The following ARB2A variants were observed in gnomAD, a reference collection of about 807,000 sequenced individuals.
ARB2A encodes cotranscriptional regulator ARB2A.
the ARB2A span, among the ~76,000 whole-genome samples, chr5:93,917,801 C>T: frequency 6.6e-6 from 1 of 152,188 alleles, no homozygotes; most frequent in South Asian, 2.1e-4. Context: ...TACCCTTCAC[C>T]GAAATGTTTG....
chr5:93,839,721 C>T, the ARB2A span, among the ~76,000 whole-genome samples: 1 of 151,396 alleles, frequency 6.6e-6, no homozygotes, highest in Non-Finnish European at 1.5e-5. Flanking sequence ...TTGGTCTGTT[C>T]GAGGATTCAA....
chr5:93,805,378 T>C, the ARB2A span: 34 of 985,170 alleles, frequency 3.5e-5, 1 homozygote, highest in East Asian at 3.2e-3. Context: ...CTTTTTCATG[T>C]TTCCCAGTAC....
the ARB2A span, among the ~76,000 whole-genome samples, chr5:93,984,459 G>T: frequency 1.3e-5 from 2 of 152,114 alleles, no homozygotes; most frequent in African/African-American, 2.4e-5. Flanking sequence ...TATACTTACG[G>T]ATATTTTCAC....
At chr5:93,874,650 G>A in the ARB2A span, among the ~76,000 whole-genome samples, 13 of 152,250 alleles carry the variant, frequency 8.5e-5, no homozygotes, top group Non-Finnish European at 1.9e-4. Context: ...CTGAGGAGGT[G>A]GTAACAGGAA....
chr5:93,999,903 C>G, the ARB2A span, among the ~76,000 whole-genome samples: 1 of 152,060 alleles, frequency 6.6e-6, no homozygotes, highest in Non-Finnish European at 1.5e-5. Flanking sequence ...ATATTTGGAA[C>G]CATACAGTAG....
At chr5:93,921,153 A>C in the ARB2A span, among the ~76,000 whole-genome samples, 7 of 133,202 alleles carry the variant, frequency 5.3e-5, no homozygotes, top group South Asian at 1.6e-3. Context: ...TGTAAAGACC[A>C]TGTTAAAAAA....
At chr5:93,685,702 T>C in the ARB2A span, among the ~76,000 whole-genome samples, 1 of 152,224 alleles carries the variant, frequency 6.6e-6, no homozygotes, top group Non-Finnish European at 1.5e-5. Flanking sequence ...AATGGACACA[T>C]GTGTCAAGGT....
chr5:93,646,452 C>T, the ARB2A span, among the ~76,000 whole-genome samples: 6 of 151,806 alleles, frequency 4.0e-5, no homozygotes, highest in African/African-American at 1.5e-4. Context: ...TGGTAGCAAA[C>T]ACACACAATA....
At chr5:93,805,540 A>T in the ARB2A span, 1 of 985,138 alleles carries the variant, frequency 1.0e-6, no homozygotes, top group Non-Finnish European at 1.2e-6. Context: ...GCAGTAATAA[A>T]ACAGCAGGCA....
At chr5:93,832,485 A>T in the ARB2A span, among the ~76,000 whole-genome samples, 3 of 152,160 alleles carry the variant, frequency 2.0e-5, no homozygotes, top group Non-Finnish European at 4.4e-5. Flanking sequence ...GTGACCATCC[A>T]CTTAAGAGTG....
the ARB2A span, among the ~76,000 whole-genome samples, chr5:93,828,630 G>GT: frequency 5.9e-5 from 9 of 152,254 alleles, 1 homozygote; most frequent in Admixed American, 2.6e-4. Flanking sequence ...GTAGTGACCT[G>GT]TAGGATTGAC....
chr5:93,932,310 G>A, the ARB2A span, among the ~76,000 whole-genome samples: 1 of 152,106 alleles, frequency 6.6e-6, no homozygotes, highest in Non-Finnish European at 1.5e-5. Flanking sequence ...GCCCAGGAAG[G>A]GAAGCGATGT....
chr5:94,079,528 C>T, the ARB2A span, among the ~76,000 whole-genome samples: 1 of 152,148 alleles, frequency 6.6e-6, no homozygotes, highest in South Asian at 2.1e-4. Context: ...GAATGAGTTT[C>T]TTCTATTCTA....
At chr5:94,002,708 T>TA in the ARB2A span, among the ~76,000 whole-genome samples, 5 of 151,698 alleles carry the variant, frequency 3.3e-5, no homozygotes, top group Admixed American at 3.3e-4. Flanking sequence ...TTCTTTTTTT[T>TA]TAAAAAAAAA....
chr5:93,762,585 T>C, the ARB2A span, among the ~76,000 whole-genome samples: 4 of 152,216 alleles, frequency 2.6e-5, no homozygotes, highest in East Asian at 7.7e-4. Flanking sequence ...TTGGTGTACC[T>C]GAAAGTGATA....
the ARB2A span, among the ~76,000 whole-genome samples, chr5:94,013,182 T>TC: frequency 1.3e-5 from 2 of 149,862 alleles, no homozygotes; most frequent in African/African-American, 4.9e-5. Flanking sequence ...TGTTTTTTTT[T>TC]TTTTTTTTTT....
chr5:93,913,963 T>C, the ARB2A span, among the ~76,000 whole-genome samples: 2 of 152,078 alleles, frequency 1.3e-5, no homozygotes, highest in Middle Eastern at 3.4e-3. Context: ...AATATCAAAC[T>C]ACACCCTCAA....
At chr5:93,866,205 G>A in the ARB2A span, 1 of 985,176 alleles carries the variant, frequency 1.0e-6, no homozygotes, top group Non-Finnish European at 1.2e-6. Context: ...ATTTCTGAGG[G>A]AATTTTTTCA....
At chr5:93,637,739 G>C in the ARB2A span, among the ~76,000 whole-genome samples, 1 of 152,094 alleles carries the variant, frequency 6.6e-6, no homozygotes, top group Non-Finnish European at 1.5e-5. Flanking sequence ...TAGAAATTTA[G>C]AATAATTTTG....
Sources: gnomAD v4.1 joint callset for allele counts (sites outside exome capture counted in the v4.1 genomes callset) on GRCh38, gnomAD v4.1.1 for gene constraint, MANE v1.5 for transcripts, NCBI Gene and HGNC (gene_info 2026-07-23, HGNC 2026-07-21) for gene names.